Variants in RASA3 observed in about 807,000 individuals in gnomAD.
RASA3 encodes the protein RAS p21 protein activator 3.
In RASA3, 73 loss-of-function variants were observed where a neutral mutation model predicts 110.0. The ratio of observed to expected loss-of-function variants is 0.66; its 90% CI spans 0.55 to 0.81. RASA3 has a LOEUF of 0.81. Among genes scored for constraint, RASA3 ranks in the 30% least tolerant of loss-of-function variants. RASA3 has a pLI of 0.00. For missense variants in RASA3, 976 were observed against 1,113.2 expected (o/e 0.88, Z 1.75); for synonymous variants, 500 against 451.4 (o/e 1.11, Z -1.37).
intron 22 of RASA3, among the ~76,000 whole-genome samples, chr13:113,990,187 C>G (rs2053074564): frequency 6.6e-6 from 1 of 152,144 alleles, no homozygotes; most frequent in Non-Finnish European, 1.5e-5. Context: ...CCTGTACAGC[C>G]TGCAGAACTG....
intron 23 of RASA3, 114 bp downstream of exon 23, chr13:113,981,561 G>A: frequency 1.7e-6 from 2 of 1,199,870 alleles, no homozygotes; most frequent in Non-Finnish European, 2.4e-6. Flanking sequence ...CTCCTCCCAG[G>A]CGGACACCTG....
At chr13:114,129,239 A>G (rs2139807656) in intron 1 of RASA3, among the ~76,000 whole-genome samples, 1 of 152,372 alleles carries the variant, frequency 6.6e-6, no homozygotes, top group Admixed American at 6.5e-5. Flanking sequence ...CTACTGTGAA[A>G]GGTTAATGAC....
At position 114,011,414 on chromosome 13, in the gene RASA3, C is replaced by T. The variant is rs2053635432; in HGVS notation, c.1513-166G>A. Among the ~76,000 whole-genome samples the T allele has an allele frequency of 6.6e-6, 1 of 152,076 alleles. No homozygotes were observed. Among genetic ancestry groups the T allele is most frequent in the African/African-American group, 2.4e-5 (1 of 41,378 alleles). On this transcript the variant is annotated intron_variant, in intron 15 of 23. Transcript: ENST00000334062. This position sits in a 1 kb window ranked among gnomAD's most constrained non-coding sequence, Gnocchi z 4.8. ...CGCAGATGGGACTGGAGGGGGTGGG[C>T]GTCCCACAGTCTCAGGAGCTGCTGA...
intron 3 of RASA3, among the ~76,000 whole-genome samples, chr13:114,049,607 C>T (rs2079109359): frequency 6.6e-6 from 1 of 152,248 alleles, no homozygotes; most frequent in African/African-American, 2.4e-5. Context: ...TGTGGATTCT[C>T]GAGTATAAAC....
chr13:114,016,058 G>A (rs1388020625), intron 13 of RASA3, 139 bp downstream of exon 13: 1 of 686,298 alleles, frequency 1.5e-6, no homozygotes, highest in African/African-American at 1.8e-5. Context: ...ACTGCAGCCG[G>A]GTGAGGCGGG....
chr13:114,109,753 TC>T (rs2080191123), intron 1 of RASA3, among the ~76,000 whole-genome samples: 1 of 151,654 alleles, frequency 6.6e-6, no homozygotes, highest in Non-Finnish European at 1.5e-5. Context: ...AGCAGCCTCC[TC>T]CTGCTGTGGC....
intron 2 of RASA3, among the ~76,000 whole-genome samples, chr13:114,061,559 C>T (rs1269610785): frequency 6.6e-6 from 1 of 151,624 alleles, no homozygotes; most frequent in Non-Finnish European, 1.5e-5. Flanking sequence ...CGCCTGTAAT[C>T]CCAGCTACTC....
chr13:113,979,240 G>T lies in RASA3; in HGVS notation c.*107C>A. 3 of 1,105,034 alleles carry T rather than the reference G, an allele frequency of 2.7e-6. No individual in the cohort carries two copies. The highest frequency in any genetic ancestry group is 2.7e-6 in the Non-Finnish European group (2 of 730,430). 68.5% of individuals were successfully genotyped at this position (1,105,034 alleles called of 1,614,324 possible). On this transcript the variant is annotated 3_prime_UTR_variant, in exon 24 of 24. Coordinates refer to ENST00000334062, the MANE Select transcript of RASA3 (RefSeq NM_007368.4). ...CCACTTGTCTATGGGCCGGGACGGC[G>T]TGCATCTCACTTTGCCGGCTCTGCG...
In RASA3 at chr13:113,979,165, G is replaced by A. The variant is rs1289579953; in HGVS notation, c.*182C>T. Reference sequence around the variant, plus strand: ...CCACAGGGCCAGGTGGGCTTTCTGCGGAGGGCGTGGCGGTGGTGGCAGCGG... The same window carrying A: ...CCACAGGGCCAGGTGGGCTTTCTGCAGAGGGCGTGGCGGTGGTGGCAGCGG... On this transcript the variant is annotated 3_prime_UTR_variant, in exon 24 of 24. Transcript: ENST00000334062. The A allele has an allele frequency of 2.3e-5, 14 of 609,260 alleles. No homozygotes were observed. In the East Asian group the frequency reaches 2.5e-4, roughly 11 times the overall value. The allele number at this position is 609,260 out of a possible 1,614,324, so 37.7% of individuals were successfully genotyped here.
intron 1 of RASA3, among the ~76,000 whole-genome samples, chr13:114,077,255 C>T (rs896156032): frequency 6.6e-6 from 1 of 152,210 alleles, no homozygotes; most frequent in African/African-American, 2.4e-5. Context: ...AGGCCGGATC[C>T]CCCTGCGCTG....
intron 16 of RASA3, among the ~76,000 whole-genome samples, chr13:114,010,809 G>GGAGGGGGCCGCGAGGGGAGGAGGGGGC (rs1245001410): frequency 6.7e-6 from 1 of 149,202 alleles, no homozygotes. Flanking sequence ...CGCGAGGGGA[G>GGAGGGGGCCGCGAGGGGAGGAGGGGGC]TAGGGGGCTG....
intron 3 of RASA3, 105 bp downstream of exon 3, chr13:114,051,947 A>T: frequency 2.4e-6 from 2 of 848,410 alleles, no homozygotes; most frequent in South Asian, 3.2e-5. Flanking sequence ...CAAGCCCTGC[A>T]GCGACCCCTC....
intron 18 of RASA3, among the ~76,000 whole-genome samples, chr13:114,002,692 A>C (rs1003960862): frequency 6.6e-6 from 1 of 152,174 alleles, no homozygotes; most frequent in Admixed American, 6.5e-5. Context: ...TTTTATGTGC[A>C]GTTTCCAGGT....
chr13:114,045,434 C>T (rs780664860), intron 3 of RASA3, among the ~76,000 whole-genome samples: 33 of 152,134 alleles, frequency 2.2e-4, no homozygotes, highest in Non-Finnish European at 1.2e-4. Context: ...GACGGGGGAC[C>T]AGCTGCAGAG....
intron 3 of RASA3, among the ~76,000 whole-genome samples, chr13:114,051,635 C>A (rs1400881372): frequency 1.3e-5 from 2 of 152,150 alleles, no homozygotes; most frequent in Admixed American, 1.3e-4. Flanking sequence ...GCCCCCACCC[C>A]CACCCGCCCT....
intron 1 of RASA3, among the ~76,000 whole-genome samples, chr13:114,097,136 GAGC>G (rs1283653053): frequency 3.3e-5 from 5 of 152,168 alleles, no homozygotes; most frequent in African/African-American, 9.7e-5. Context: ...CTCCTGAACC[GAGC>G]AGTTCTCCGC....
chr13:114,089,729 C>T (rs1453639747), intron 1 of RASA3, among the ~76,000 whole-genome samples: 3 of 152,176 alleles, frequency 2.0e-5, no homozygotes, highest in African/African-American at 7.2e-5. Context: ...GGCACGATCC[C>T]GTGGTTTTTA....
chr13:114,066,026 G>T (rs1459614670), intron 2 of RASA3, among the ~76,000 whole-genome samples: 1 of 151,914 alleles, frequency 6.6e-6, no homozygotes, highest in African/African-American at 2.4e-5. Flanking sequence ...CCGAGGAGCT[G>T]CCCCTCGGCT....
chr13:114,012,044 C>T (rs576311968), intron 15 of RASA3, among the ~76,000 whole-genome samples: 2 of 152,172 alleles, frequency 1.3e-5, no homozygotes, highest in African/African-American at 4.8e-5. Flanking sequence ...CTGAGAGCTG[C>T]GGCCCCAGCA....
Sources: allele counts gnomAD v4.1 joint callset (sites outside exome capture counted in the v4.1 genomes callset), GRCh38; gene constraint gnomAD v4.1.1; non-coding constraint Gnocchi (gnomAD v3.1); transcripts MANE v1.5; gene names NCBI Gene and HGNC (gene_info 2026-07-23, HGNC 2026-07-21).